The following PALM2AKAP2 variants were observed in gnomAD, a reference collection of about 807,000 sequenced individuals.
The protein encoded by PALM2AKAP2 is PALM2 and AKAP2 fusion.
PALM2AKAP2 carries 37 observed loss-of-function variants against 71.5 expected under a neutral mutation model. The ratio of observed to expected loss-of-function variants is 0.52; its 90% CI spans 0.40 to 0.68. PALM2AKAP2 has a LOEUF of 0.68. PALM2AKAP2 is among the 30% of genes least tolerant of loss of function. The pLI, the probability that PALM2AKAP2 is intolerant of heterozygous loss-of-function variation, is 0.00. For missense variants in PALM2AKAP2, 1,224 were observed against 1,191.8 expected, an observed-to-expected ratio of 1.03 and a Z score of -0.40; for synonymous variants, 468 against 478.8, an observed-to-expected ratio of 0.98 and a Z score of 0.29.
At chr9:109,707,643 C>T (rs983624225) in intron 1 of PALM2AKAP2, among the ~76,000 whole-genome samples, 2 of 152,156 alleles carry the variant, frequency 1.3e-5, no homozygotes, top group African/African-American at 4.8e-5. Context: ...TGTTTCCAAG[C>T]CTGTTTCTTT....
chr9:110,049,114 TTA>T (rs1488278248), intron 1 of PALM2AKAP2, among the ~76,000 whole-genome samples: 1 of 152,204 alleles, frequency 6.6e-6, no homozygotes, highest in Non-Finnish European at 1.5e-5. Context: ...TGTTCAATGC[TTA>T]TCATTTATAT....
At chr9:109,858,248 G>A (rs1430895311) in intron 1 of PALM2AKAP2, among the ~76,000 whole-genome samples, 1 of 152,198 alleles carries the variant, frequency 6.6e-6, no homozygotes, top group East Asian at 1.9e-4. Flanking sequence ...GATAATGATA[G>A]TACCTAACTC....
chr9:109,767,921 G>GT (rs1328558406), intron 1 of PALM2AKAP2, among the ~76,000 whole-genome samples: 2 of 152,228 alleles, frequency 1.3e-5, no homozygotes, highest in African/African-American at 4.8e-5. Context: ...ATGGAAGGAG[G>GT]GAAGGTGGGA....
chr9:110,142,058 T>G, intron 2 of PALM2AKAP2, among the ~76,000 whole-genome samples: 1 of 151,422 alleles, frequency 6.6e-6, no homozygotes, highest in East Asian at 1.9e-4. Flanking sequence ...TCTTGTTGGT[T>G]CTTATTTTAC....
chr9:109,869,734 T>A (rs1364713650), intron 2 of PALM2AKAP2, among the ~76,000 whole-genome samples: 2 of 152,106 alleles, frequency 1.3e-5, no homozygotes, highest in East Asian at 1.9e-4. Flanking sequence ...AGTGAGGTTT[T>A]TCTCAAGGAC....
intron 7 of PALM2AKAP2, among the ~76,000 whole-genome samples, chr9:110,042,333 G>A (rs1269471948): frequency 2.0e-5 from 3 of 152,210 alleles, no homozygotes; most frequent in African/African-American, 4.8e-5. Context: ...GGCTGAGGGA[G>A]GAGAATTGCT....
intron 3 of PALM2AKAP2, among the ~76,000 whole-genome samples, chr9:109,880,986 G>A (rs1175309027): frequency 1.3e-5 from 2 of 152,030 alleles, no homozygotes; most frequent in Non-Finnish European, 2.9e-5. Context: ...CACCACCCAG[G>A]TATTAAGCCT....
intron 2 of PALM2AKAP2, among the ~76,000 whole-genome samples, chr9:110,141,332 C>T (rs1408638705): frequency 6.6e-6 from 1 of 152,086 alleles, no homozygotes; most frequent in South Asian, 2.1e-4. Context: ...GTAATTCATC[C>T]GTGCAAGTCT....
intron 3 of PALM2AKAP2, among the ~76,000 whole-genome samples, chr9:109,920,849 A>G (rs1280360877): frequency 6.6e-6 from 1 of 152,126 alleles, no homozygotes; most frequent in East Asian, 1.9e-4. Context: ...CCTGGTTGGT[A>G]GTATCATCCA....
At chr9:109,641,633 G>C (rs754671832) in intron 1 of PALM2AKAP2, among the ~76,000 whole-genome samples, 2 of 152,120 alleles carry the variant, frequency 1.3e-5, no homozygotes, top group Non-Finnish European at 2.9e-5. Flanking sequence ...TGCCACAGCA[G>C]GACCACTCTG....
chr9:110,035,783 A>G lies in PALM2AKAP2; in HGVS notation c.582+19744A>G, dbSNP rs987236628. On this transcript the variant is annotated intron_variant, in intron 7 of 9. Coordinates refer to the PALM2AKAP2 transcript ENST00000302798. ...ATATGTTGTATGTTATATGTAACAT[A>G]TATAGGATATGTTGTGTGTTATATG... Among the ~76,000 whole-genome samples the G allele has an allele frequency of 5.5e-5, 7 of 127,986 alleles. 1 individual carries two copies. Among genetic ancestry groups the G allele is most frequent in the Non-Finnish European group, 1.1e-4 (7 of 62,578 alleles). 84.0% of individuals were successfully genotyped at this position (127,986 alleles called of 152,430 possible).
In PALM2AKAP2 at chr9:109,911,973, G is replaced by T. The variant is rs117411456; in HGVS notation, c.258-11762G>T. Among the ~76,000 whole-genome samples the T allele has an allele frequency of 3.4e-4, 52 of 152,272 alleles. 2 individuals carry two copies. In the East Asian group the frequency reaches 9.1e-3, roughly 27 times the overall value. ...AATGAACATACCAGGCTGGGTTGGG[G>T]GGCTGGGGGAATTATGGAAAACATT... On this transcript the variant is annotated intron_variant, in intron 3 of 9. Transcript: ENST00000302798.
chr9:110,160,507 G>T (rs530689971), intron 3 of PALM2AKAP2, among the ~76,000 whole-genome samples: 3 of 152,198 alleles, frequency 2.0e-5, no homozygotes, highest in Non-Finnish European at 4.4e-5. Flanking sequence ...GGATCAGTGG[G>T]CACAAATGAT....
chr9:109,802,813 T>C (rs1207266325), intron 1 of PALM2AKAP2, among the ~76,000 whole-genome samples: 1 of 152,244 alleles, frequency 6.6e-6, no homozygotes, highest in East Asian at 1.9e-4. Context: ...GCCTCCATCC[T>C]ATGGGAGGAA....
chr9:109,698,530 C>T (rs1202656988), intron 1 of PALM2AKAP2, among the ~76,000 whole-genome samples: 3 of 152,156 alleles, frequency 2.0e-5, no homozygotes, highest in South Asian at 2.1e-4. Flanking sequence ...CTGCCAGCCT[C>T]GGTCTCTCAA....
At chr9:110,154,680 A>G (rs946317952) in intron 2 of PALM2AKAP2, among the ~76,000 whole-genome samples, 1 of 152,244 alleles carries the variant, frequency 6.6e-6, no homozygotes, top group Non-Finnish European at 1.5e-5. Context: ...CTTTTCAGTT[A>G]TCTGGGTAAT....
intron 1 of PALM2AKAP2, among the ~76,000 whole-genome samples, chr9:109,830,986 C>T (rs1387287196): frequency 1.3e-5 from 2 of 152,060 alleles, no homozygotes; most frequent in African/African-American, 2.4e-5. Flanking sequence ...GGTCATGCAA[C>T]AGGAGAATGA....
At chr9:110,032,814 T>A (rs1318886430) in intron 7 of PALM2AKAP2, among the ~76,000 whole-genome samples, 1 of 151,530 alleles carries the variant, frequency 6.6e-6, no homozygotes, top group East Asian at 1.9e-4. Flanking sequence ...GGTGTGCGCA[T>A]GTCGTCTCAG....
chr9:110,117,872 TAGAG>T (rs56179548), intron 1 of PALM2AKAP2, among the ~76,000 whole-genome samples: 25 of 144,208 alleles, frequency 1.7e-4, no homozygotes, highest in Non-Finnish European at 2.3e-4. Flanking sequence ...TATATATATA[TAGAG>T]AGAGAGAGAG....
Sources: allele counts gnomAD v4.1 joint callset (sites outside exome capture counted in the v4.1 genomes callset), GRCh38; gene constraint gnomAD v4.1.1; transcripts MANE v1.5; gene names NCBI Gene and HGNC (gene_info 2026-07-23, HGNC 2026-07-21).